ZCCHC14: variants seen among roughly 807,000 people sequenced by gnomAD.
The protein encoded by ZCCHC14 is zinc finger CCHC domain-containing protein 14.
In ZCCHC14, 16 loss-of-function variants were observed where a neutral mutation model predicts 85.0. That is an observed-to-expected ratio of 0.19 (90% CI 0.13 to 0.29). ZCCHC14 has a LOEUF of 0.29. Among genes scored for constraint, ZCCHC14 ranks in the 10% least tolerant of loss-of-function variants. ZCCHC14 has a pLI of 1.00. For missense variants in ZCCHC14, 1,303 were observed against 1,443.5 expected (o/e 0.90, Z 1.58); for synonymous variants, 775 against 630.7 (o/e 1.23, Z -3.43).
At position 87,492,206 on chromosome 16, in the gene ZCCHC14, G is replaced by A; in HGVS notation, c.33C>T (p.Asp11=). 2.0e-6 allele frequency: 2 copies of A among 984,804 alleles called. No individual in the cohort carries two copies. The highest frequency in any genetic ancestry group is 2.4e-6 in the Non-Finnish European group (2 of 829,740). The allele number at this position is 984,804 out of a possible 1,614,324, so 61.0% of individuals were successfully genotyped here. The change falls in exon 1 of 13, where the codon GAC becomes GAT. Residue 11 remains aspartate (D), a synonymous_variant. Transcript: ENST00000671377. The surrounding 1 kb of genome is among the most constrained non-coding windows in gnomAD (Gnocchi z 6.7). ...GCTCCGAGAACCAGCGGTACACGCC[G>A]TCCCTCTGCAGCGGGCAGCGCTTCT... MVEKRCPLQR[D]GVYRWFSELP...
intron 3 of ZCCHC14, among the ~76,000 whole-genome samples, chr16:87,431,417 G>A (rs1032705177): frequency 6.7e-6 from 1 of 148,940 alleles, no homozygotes; most frequent in South Asian, 2.1e-4. Context: ...AGCTTACAGT[G>A]AGCCGAGATC....
chr16:87,426,958 G>C (rs1007921128), intron 3 of ZCCHC14, among the ~76,000 whole-genome samples: 1 of 152,224 alleles, frequency 6.6e-6, no homozygotes, highest in Non-Finnish European at 1.5e-5. Context: ...CTAAAGGCAG[G>C]AAGACGAGGC....
At chr16:87,471,868 T>A (rs534818852) in intron 1 of ZCCHC14, 1 of 152,480 alleles carries the variant, frequency 6.6e-6, no homozygotes, top group Admixed American at 6.5e-5. Flanking sequence ...CTTGTACTCA[T>A]GAGCAACAAC....
In ZCCHC14 at chr16:87,420,554, C is replaced by A; in HGVS notation, c.950+53G>T. 6.8e-7 allele frequency: 1 copy of A among 1,465,856 alleles called. No individual in the cohort carries two copies. 90.8% of individuals were successfully genotyped at this position (1,465,856 alleles called of 1,614,324 possible). ...GAGGACCACAGCATTGACCACAGGA[C>A]CAGCCTGTCCTTGCCAGCTGTGGAC... On this transcript the variant is annotated intron_variant, in intron 5 of 12. Transcript: ENST00000671377. The surrounding 1 kb of genome is among the most constrained non-coding windows in gnomAD (Gnocchi z 5.0).
rs1909057896 is a variant in ZCCHC14 at position 87,420,837 on chromosome 16, T to A, written c.841-121A>T. 2 of 721,810 alleles carry A rather than the reference T, an allele frequency of 2.8e-6. No homozygotes were observed. Among genetic ancestry groups the A allele is most frequent in the Admixed American group, 2.8e-5 (1 of 35,172 alleles). 44.7% of individuals were successfully genotyped at this position (721,810 alleles called of 1,614,324 possible). On this transcript the variant is annotated intron_variant, in intron 4 of 12. Coordinates refer to ENST00000671377, the MANE Select transcript of ZCCHC14 (RefSeq NM_015144.3). The surrounding 1 kb of genome is among the most constrained non-coding windows in gnomAD (Gnocchi z 5.0). ...GGTGCCGCCTGCTGGTCTGATATGA[T>A]TTACACCTCCCGTCAGAGCTATTCT...
chr16:87,419,702 C>G lies in ZCCHC14; in HGVS notation c.1045+81G>C, dbSNP rs1165957101. 3.3e-6 allele frequency: 4 copies of G among 1,230,394 alleles called. No homozygotes were observed. In the African/African-American group the frequency reaches 6.4e-5, roughly 20 times the overall value. 76.2% of individuals were successfully genotyped at this position (1,230,394 alleles called of 1,614,324 possible). A position where few individuals can be genotyped will look rare whatever the true frequency, so the allele number is the denominator to read the frequency against. ...CCGCCCGCCTCAGCCTCCCAAAGTGCTGGGATTACAAGCATGAGCCACTGC... is the reference window on the plus strand; with the variant it reads ...CCGCCCGCCTCAGCCTCCCAAAGTGGTGGGATTACAAGCATGAGCCACTGC... On this transcript the variant is annotated intron_variant, in intron 6 of 12. Transcript: ENST00000671377.
chr16:87,419,921 C>A (rs1909004471), intron 5 of ZCCHC14, 44 bp from the exon 6 acceptor site: 4 of 1,512,776 alleles, frequency 2.6e-6, no homozygotes, highest in South Asian at 2.5e-5. Context: ...AAATGGCATT[C>A]CTGCTGACGA....
intron 1 of ZCCHC14, among the ~76,000 whole-genome samples, chr16:87,461,198 C>T (rs561568985): frequency 6.6e-6 from 1 of 152,346 alleles, no homozygotes; most frequent in East Asian, 1.9e-4. Context: ...TAGCCAGGCT[C>T]GTCCCACCCC....
rs531317925 is a variant in ZCCHC14, at chr16:87,415,883, CTTTT to C, written c.1384-520_1384-517del. ...CTGCGGGATGGTCGTCTTTTTCTTC[CTTTT>C]TTTGAGACAAAAATCTCGCTCTTAT... On this transcript the variant is annotated intron_variant, in intron 8 of 12. Transcript: ENST00000671377. Among the ~76,000 whole-genome samples the C allele has an allele frequency of 5.4e-3, 826 of 152,196 alleles. 1 individual carries two copies. Among genetic ancestry groups the C allele is most frequent in the Non-Finnish European group, 9.8e-3 (666 of 68,002 alleles).
chr16:87,454,903 CTG>C (rs2150754288), intron 2 of ZCCHC14, among the ~76,000 whole-genome samples: 1 of 152,344 alleles, frequency 6.6e-6, no homozygotes, highest in African/African-American at 2.4e-5. Context: ...GGCCCCTGAT[CTG>C]TGTCATCTGC....
chr16:87,415,345 T>C lies in ZCCHC14; in HGVS notation c.1406A>G (p.Asp469Gly). ...MEKFLSLTEE[D>G]LNKFESLTMG... ...GGTAAGAGACTCAAATTTATTCAGA[T>C]CTTCTTCAGTAAGGCTCAAAAACTT... is the stretch of plus-strand genomic sequence containing the variant. The change falls in exon 9 of 13, where the codon GAT becomes GGT. Residue 469 changes from aspartate (D) to glycine (G), a missense_variant. Transcript: ENST00000671377. The C allele has an allele frequency of 6.2e-7, 1 of 1,613,828 alleles. No individual in the cohort carries two copies. The highest frequency in any genetic ancestry group is 8.5e-7 in the Non-Finnish European group (1 of 1,179,940).
At chr16:87,443,913 T>G (rs935607324) in intron 2 of ZCCHC14, among the ~76,000 whole-genome samples, 3 of 151,768 alleles carry the variant, frequency 2.0e-5, no homozygotes, top group African/African-American at 7.3e-5. Context: ...GGCCCATGCC[T>G]GTAGTCCCAG....
Position 87,408,673 on chromosome 16 carries a change from C to T in ZCCHC14, c.*1607G>A, listed in dbSNP as rs1485184428. 1 of 152,332 alleles carries T rather than the reference C, an allele frequency of 6.6e-6. No individual in the cohort carries two copies. The highest frequency in any genetic ancestry group is 2.4e-5 in the African/African-American group (1 of 41,354). 9.4% of individuals were successfully genotyped at this position (152,332 alleles called of 1,614,324 possible). A position where few individuals can be genotyped will look rare whatever the true frequency, so the allele number is the denominator to read the frequency against. On this transcript the variant is annotated 3_prime_UTR_variant, in exon 13 of 13. Transcript: ENST00000671377. Reference sequence around the variant, plus strand: ...AAAACTAAAAAATTCTACTAAAAGCCTGTCATAAAAAAAATGTAACAACTT... The same window carrying T: ...AAAACTAAAAAATTCTACTAAAAGCTTGTCATAAAAAAAATGTAACAACTT...
At chr16:87,432,257 C>A (rs1307628960) in intron 3 of ZCCHC14, among the ~76,000 whole-genome samples, 5 of 152,136 alleles carry the variant, frequency 3.3e-5, no homozygotes, top group African/African-American at 1.2e-4. Flanking sequence ...CCTGACAGAG[C>A]CCTGACTGGG....
chr16:87,428,583 G>A (rs1334707590), intron 3 of ZCCHC14, among the ~76,000 whole-genome samples: 1 of 152,138 alleles, frequency 6.6e-6, no homozygotes, highest in African/African-American at 2.4e-5. Flanking sequence ...AATTATAACT[G>A]ACGATGAACT....
chr16:87,457,869 C>T (rs1273173565), intron 2 of ZCCHC14, among the ~76,000 whole-genome samples: 1 of 152,158 alleles, frequency 6.6e-6, no homozygotes, highest in East Asian at 1.9e-4. Context: ...AACCGCGACC[C>T]TCTATGACTA....
intron 2 of ZCCHC14, among the ~76,000 whole-genome samples, chr16:87,455,236 C>T (rs549954920): frequency 4.6e-5 from 7 of 152,186 alleles, no homozygotes; most frequent in South Asian, 4.2e-4. Flanking sequence ...TGTGGTGAAC[C>T]GAGATCGTGC....
In ZCCHC14 at chr16:87,491,817, T is replaced by A; in HGVS notation, c.422A>T (p.Asn141Ile). ...CTGGTGGAAGCTGAAGGCCGGGTGGTTGGAGGCCATGGTGAACAGCAGCAG... is the reference window on the plus strand; with the variant it reads ...CTGGTGGAAGCTGAAGGCCGGGTGGATGGAGGCCATGGTGAACAGCAGCAG... Reference protein sequence around the residue: ...EFLLLFTMASNHPAFSFHQKQ... With the variant: ...EFLLLFTMASIHPAFSFHQKQ... Residue 141 changes from asparagine (N) to isoleucine (I), a missense_variant, in exon 1 of 13, where the codon AAC becomes ATC. Asn to Ile is a moderately radical substitution (Grantham distance 149). This residue lies in a region of ZCCHC14 where 389 missense variants were observed against 397.8 expected (regional missense o/e 0.98). Coordinates refer to ENST00000671377, the MANE Select transcript of ZCCHC14 (RefSeq NM_015144.3). The surrounding 1 kb of genome is among the most constrained non-coding windows in gnomAD (Gnocchi z 5.9). 1 of 1,585,416 alleles carries A rather than the reference T, an allele frequency of 6.3e-7. No homozygotes were observed. Among genetic ancestry groups the A allele is most frequent in the Non-Finnish European group, 8.5e-7 (1 of 1,169,926 alleles).
chr16:87,445,989 A>G (rs189945766), intron 2 of ZCCHC14, among the ~76,000 whole-genome samples: 2 of 152,238 alleles, frequency 1.3e-5, no homozygotes, highest in African/African-American at 4.8e-5. Context: ...CCAAACATCG[A>G]CAGTATTTTT....
Sources: gnomAD v4.1 joint callset for allele counts (sites outside exome capture counted in the v4.1 genomes callset) on GRCh38, gnomAD v4.1.1 for gene constraint, gnomAD v4.1.1 regional missense constraint, Gnocchi (gnomAD v3.1) non-coding constraint, MANE v1.5 for transcripts, NCBI Gene and HGNC (gene_info 2026-07-23, HGNC 2026-07-21) for gene names.